The following PDXK variants were observed in gnomAD, a reference collection of about 807,000 sequenced individuals.
PDXK encodes epididymis secretory sperm binding protein Li 1a.
PDXK carries 15 observed loss-of-function variants against 43.2 expected under a neutral mutation model. The observed-to-expected ratio is 0.35, with a 90% confidence interval of 0.23 to 0.53. PDXK has a LOEUF of 0.53. PDXK is among the 20% of genes least tolerant of loss of function. The pLI is 0.92. For synonymous variants in PDXK, 172 were observed against 165.4 expected, an observed-to-expected ratio of 1.04 and a Z score of -0.31; for missense variants, 343 against 417.0, an observed-to-expected ratio of 0.82 and a Z score of 1.54.
chr21:43,753,688 C>A lies in PDXK; in HGVS notation c.728C>A (p.Ala243Glu). ...TGDLFAAMLLAWTHKHPNNLK... is the reference protein window; with the variant it reads ...TGDLFAAMLLEWTHKHPNNLK... ...GACCTGTTTGCTGCCATGCTCCTGG[C>A]GTGGACACACAAGCACCCCAATAAC... The change falls in exon 9 of 11, where the codon GCG becomes GAG. Residue 243 changes from alanine to glutamate, a missense_variant. By Grantham distance (107) the Ala-to-Glu change is moderately radical. Coordinates refer to ENST00000291565, the MANE Select transcript of PDXK (RefSeq NM_003681.5). 1 of 1,613,542 alleles carries A rather than the reference C, an allele frequency of 6.2e-7. No homozygotes were observed. Among genetic ancestry groups the A allele is most frequent in the Non-Finnish European group, 8.5e-7 (1 of 1,179,660 alleles).
intron 3 of PDXK, among the ~76,000 whole-genome samples, chr21:43,742,525 C>T (rs756410773): frequency 1.1e-4 from 16 of 152,174 alleles, no homozygotes; most frequent in Non-Finnish European, 1.5e-4. Flanking sequence ...ACTTAGCCTC[C>T]CAAAGTGTTA....
chr21:43,750,271 A>T (rs1172356461), intron 6 of PDXK, among the ~76,000 whole-genome samples: 1 of 152,254 alleles, frequency 6.6e-6, no homozygotes, highest in African/African-American at 2.4e-5. Flanking sequence ...TTACGTATAA[A>T]CAGCAGCCAT....
chr21:43,743,969 T>C (rs1411377461), intron 4 of PDXK, among the ~76,000 whole-genome samples, 162 bp downstream of exon 4: 1 of 152,130 alleles, frequency 6.6e-6, no homozygotes, highest in Non-Finnish European at 1.5e-5. Context: ...TCTGAAGATG[T>C]TGGCCTGCTG....
In PDXK at chr21:43,741,530, CCTT is replaced by C. The variant is rs758992759; in HGVS notation, c.143-135_143-133del. The C allele has an allele frequency of 2.7e-6, 4 of 1,486,396 alleles. No homozygotes were observed. The South Asian group carries it at 5.5e-5, about 21-fold the overall frequency. 92.1% of individuals were successfully genotyped at this position (1,486,396 alleles called of 1,614,324 possible). On this transcript the variant is annotated intron_variant, in intron 2 of 10. Transcript: ENST00000291565. ...TGCCAAGCACTGCGCCTAGTGATCT[CCTT>C]CGGGTTTGAGCCAGTCCATGGGGAG... is the stretch of plus-strand genomic sequence containing the variant.
intron 1 of PDXK, among the ~76,000 whole-genome samples, chr21:43,722,152 T>C (rs2083211135): frequency 6.6e-6 from 1 of 152,226 alleles, no homozygotes; most frequent in Non-Finnish European, 1.5e-5. Flanking sequence ...CTGCTCTGGC[T>C]TGGATTCTAG....
At position 43,737,339 on chromosome 21, in the gene PDXK, C is replaced by T; in HGVS notation, c.142+3216C>T. 7.5e-7 allele frequency: 1 copy of T among 1,334,550 alleles called. No individual in the cohort carries two copies. The highest frequency in any genetic ancestry group is 1.7e-5 in the South Asian group (1 of 60,538). 82.7% of individuals were successfully genotyped at this position (1,334,550 alleles called of 1,614,324 possible). ...TCTGCCCCTTCCCCCGGCCAGGCCC[C>T]CGTTCCTTGAGGCCGTACCACAAGG... On this transcript the variant is annotated intron_variant, in intron 2 of 10. Coordinates refer to ENST00000291565, the MANE Select transcript of PDXK (RefSeq NM_003681.5). This position sits in a 1 kb window ranked among gnomAD's most constrained non-coding sequence, Gnocchi z 4.8.
At position 43,732,423 on chromosome 21, in the gene PDXK, A is replaced by G; in HGVS notation, c.88-1646A>G. On this transcript the variant is annotated intron_variant, in intron 1 of 10. Transcript: ENST00000291565. This position sits in a 1 kb window ranked among gnomAD's most constrained non-coding sequence, Gnocchi z 4.1. ...TCCAGACCAGCTTGCGATGCTGATG[A>G]ATAAGCTGATTTTGATGGGGTGTGT... 1 of 1,612,828 alleles carries G rather than the reference A, an allele frequency of 6.2e-7. No homozygotes were observed. Among genetic ancestry groups the G allele is most frequent in the South Asian group, 1.1e-5 (1 of 91,078 alleles).
chr21:43,727,698 A>G (rs1319388224), intron 1 of PDXK, among the ~76,000 whole-genome samples: 3 of 152,148 alleles, frequency 2.0e-5, no homozygotes, highest in African/African-American at 7.2e-5. Context: ...GGTGGGAGGG[A>G]GCCAGCACTA....
chr21:43,740,541 C>T (rs900249071), intron 2 of PDXK, among the ~76,000 whole-genome samples: 1 of 151,974 alleles, frequency 6.6e-6, no homozygotes, highest in African/African-American at 2.4e-5. Flanking sequence ...CCATGGTGGA[C>T]CCCCACCCTG....
chr21:43,719,684 C>A, intron 1 of PDXK: 1 of 985,454 alleles, frequency 1.0e-6, no homozygotes, highest in Non-Finnish European at 1.2e-6. Flanking sequence ...CCCTTCCCGC[C>A]GACCGGGCCA....
intron 1 of PDXK, among the ~76,000 whole-genome samples, chr21:43,730,981 T>C (rs1300394313): frequency 6.6e-6 from 1 of 152,060 alleles, no homozygotes; most frequent in Non-Finnish European, 1.5e-5. Flanking sequence ...ATTTACATAA[T>C]TGTAAGTTTT....
intron 1 of PDXK, among the ~76,000 whole-genome samples, chr21:43,721,140 A>C (rs1369153767): frequency 1.3e-5 from 2 of 152,150 alleles, no homozygotes; most frequent in African/African-American, 4.8e-5. Context: ...AAGGAGAAGC[A>C]ATGTGATGAC....
rs559086469 is a variant in PDXK at position 43,732,080 on chromosome 21, G to T, written c.88-1989G>T. The stretch of plus-strand genomic sequence containing the variant: ...GGACGGTCACTACCGCTGCCCCTGT[G>T]GGGAGAAGAGCCCCGGGGGAAGAAG... On this transcript the variant is annotated intron_variant, in intron 1 of 10. Transcript: ENST00000291565. This position sits in a 1 kb window ranked among gnomAD's most constrained non-coding sequence, Gnocchi z 4.1. The T allele has an allele frequency of 7.3e-6, 8 of 1,102,734 alleles. No homozygotes were observed. The South Asian group carries it at 1.7e-4, about 23-fold the overall frequency. The allele number at this position is 1,102,734 out of a possible 1,614,324, so 68.3% of individuals were successfully genotyped here.
At position 43,719,192 on chromosome 21, in the gene PDXK, G is replaced by A. The variant is rs936044295; in HGVS notation, c.-103G>A. On this transcript the variant is annotated 5_prime_UTR_variant, in exon 1 of 11. Transcript: ENST00000291565. ...CGCCAGAGCCAGAGTCGCAGCCGAG[G>A]GGAGCCGGGGCCGGAGCCCGAGCCC... 4 of 504,966 alleles carry A rather than the reference G, an allele frequency of 7.9e-6. No homozygotes were observed. The African/African-American group carries it at 8.2e-5, about 10-fold the overall frequency. 31.3% of individuals were successfully genotyped at this position (504,966 alleles called of 1,614,324 possible).
Position 43,753,641 on chromosome 21 carries a change from C to T in PDXK, c.681C>T (p.Asp227=), listed in dbSNP as rs200762097. ...TCCGGATGGACATTCGCAAAGTGGACGCCGTCTTTGTGGGCACTGGGGACC... is the reference window on the plus strand; with the variant it reads ...TCCGGATGGACATTCGCAAAGTGGATGCCGTCTTTGTGGGCACTGGGGACC... ...ERIRMDIRKV[D]AVFVGTGDLF... The change falls in exon 9 of 11, where the codon GAC becomes GAT. Residue 227 remains aspartate (D), a synonymous_variant. Transcript: ENST00000291565. 5.4e-5 allele frequency: 87 copies of T among 1,613,782 alleles called. No individual in the cohort carries two copies. The highest frequency in any genetic ancestry group is 1.3e-4 in the East Asian group (6 of 44,870).
In PDXK at chr21:43,756,528, T is replaced by TA. The variant is rs2083854339; in HGVS notation, c.*466dup. The TA allele has an allele frequency of 6.4e-6, 1 of 157,278 alleles. No individual in the cohort carries two copies. The highest frequency in any genetic ancestry group is 1.4e-5 in the Non-Finnish European group (1 of 71,354). The allele number at this position is 157,278 out of a possible 1,614,324, so 9.7% of individuals were successfully genotyped here. On this transcript the variant is annotated 3_prime_UTR_variant, in exon 11 of 11. Transcript: ENST00000291565. Reference sequence around the variant, plus strand: ...TGGGGTCAGGAAGAATTCTGCCAAGTATCTTTACTGTCATTCTGACCATAG... The same window carrying TA: ...TGGGGTCAGGAAGAATTCTGCCAAGTAATCTTTACTGTCATTCTGACCATAG...
intron 6 of PDXK, among the ~76,000 whole-genome samples, chr21:43,749,691 C>T (rs2083700680): frequency 6.6e-6 from 1 of 152,092 alleles, no homozygotes; most frequent in Non-Finnish European, 1.5e-5. Context: ...CTGTGCCTTC[C>T]TGAGCGGCAG....
intron 2 of PDXK, among the ~76,000 whole-genome samples, chr21:43,740,596 G>A (rs1031863149): frequency 6.6e-6 from 1 of 151,964 alleles, no homozygotes; most frequent in Non-Finnish European, 1.5e-5. Flanking sequence ...TGGAGCTGTG[G>A]TCAGGTTCCG....
At chr21:43,750,733 ATGTGTG>A (rs3042235) in intron 7 of PDXK, among the ~76,000 whole-genome samples, 188 bp downstream of exon 7, 2 of 150,290 alleles carry the variant, frequency 1.3e-5, no homozygotes, top group African/African-American at 2.5e-5. Context: ...ATGTTTGTGC[ATGTGTG>A]TGTGTGTGTG....
Sources: allele counts gnomAD v4.1 joint callset (sites outside exome capture counted in the v4.1 genomes callset), GRCh38; gene constraint gnomAD v4.1.1; non-coding constraint Gnocchi (gnomAD v3.1); transcripts MANE v1.5; gene names NCBI Gene and HGNC (gene_info 2026-07-23, HGNC 2026-07-21).